The following COL21A1 variants were observed in gnomAD, a reference collection of about 807,000 sequenced individuals.
COL21A1 encodes collagen alpha-1(XXI) chain.
In COL21A1, 149 loss-of-function variants were observed where a neutral mutation model predicts 137.9. The ratio of observed to expected loss-of-function variants is 1.08; its 90% CI spans 0.95 to 1.24. The LOEUF (loss-of-function observed/expected upper bound fraction) is 1.24, where lower values mean the gene tolerates loss of function less well. Ranked by LOEUF, COL21A1 falls within the 50% of genes most tolerant of loss-of-function variation. The pLI, the probability that COL21A1 is intolerant of heterozygous loss-of-function variation, is 0.00. For synonymous variants in COL21A1, 456 were observed against 391.5 expected, an observed-to-expected ratio of 1.16 and a Z score of -1.95; for missense variants, 1,167 against 1,158.4, an observed-to-expected ratio of 1.01 and a Z score of -0.11.
intron 12 of COL21A1, among the ~76,000 whole-genome samples, chr6:56,129,273 G>A (rs1773300055): frequency 6.6e-6 from 1 of 151,856 alleles, no homozygotes; most frequent in African/African-American, 2.4e-5. Context: ...CAAAAGGGGG[G>A]CCTCTGTTAT....
At chr6:56,363,820 C>T (rs1766032628) in intron 1 of COL21A1, among the ~76,000 whole-genome samples, 1 of 152,142 alleles carries the variant, frequency 6.6e-6, no homozygotes, top group South Asian at 2.1e-4. Flanking sequence ...GGGGACTGTG[C>T]CTTCCTTGGA....
At chr6:56,123,953 T>A in intron 16 of COL21A1, 109 bp downstream of exon 16, 1 of 898,636 alleles carries the variant, frequency 1.1e-6, no homozygotes, top group Non-Finnish European at 1.7e-6. Flanking sequence ...ATGAATTTTA[T>A]CCCAATGCCA....
intron 1 of COL21A1, among the ~76,000 whole-genome samples, chr6:56,297,526 T>C (rs745899514): frequency 6.6e-6 from 1 of 152,120 alleles, no homozygotes; most frequent in Non-Finnish European, 1.5e-5. Context: ...ATTCCAAGTG[T>C]GTAAAGGGTA....
intron 1 of COL21A1, among the ~76,000 whole-genome samples, chr6:56,358,319 T>A (rs1454663625): frequency 1.3e-5 from 2 of 152,010 alleles, no homozygotes; most frequent in Non-Finnish European, 2.9e-5. Context: ...CATTTGAAGA[T>A]AATCTGAAAT....
At chr6:56,135,021 G>A (rs1773876176) in intron 12 of COL21A1, among the ~76,000 whole-genome samples, 1 of 151,162 alleles carries the variant, frequency 6.6e-6, no homozygotes, top group African/African-American at 2.4e-5. Flanking sequence ...AAAATTAAAG[G>A]TAAAAAATAA....
intron 9 of COL21A1, 107 bp from the exon 10 acceptor site, chr6:56,157,056 A>C (rs371293523): frequency 7.8e-6 from 5 of 639,448 alleles, no homozygotes; most frequent in Non-Finnish European, 1.3e-5. Flanking sequence ...GGTTTTTTGT[A>C]TGTTAAAAAC....
chr6:56,184,147 GAATT>G (rs1437983829), intron 1 of COL21A1, among the ~76,000 whole-genome samples: 1 of 152,014 alleles, frequency 6.6e-6, no homozygotes, highest in Non-Finnish European at 1.5e-5. Flanking sequence ...AAAATTTTCC[GAATT>G]AATGAAAGCC....
intron 1 of COL21A1, among the ~76,000 whole-genome samples, chr6:56,265,037 C>T (rs1763363823): frequency 6.6e-6 from 1 of 152,204 alleles, no homozygotes; most frequent in South Asian, 2.1e-4. Flanking sequence ...GATCTCATTT[C>T]ACAGTAGATG....
chr6:56,381,484 G>T (rs1481858467), intron 1 of COL21A1, among the ~76,000 whole-genome samples: 1 of 152,164 alleles, frequency 6.6e-6, no homozygotes, highest in Non-Finnish European at 1.5e-5. Context: ...GACTCTCTGG[G>T]GTACTATTTC....
At chr6:56,094,225 G>A (rs1172498387) in intron 17 of COL21A1, among the ~76,000 whole-genome samples, 1 of 152,036 alleles carries the variant, frequency 6.6e-6, no homozygotes, top group Non-Finnish European at 1.5e-5. Flanking sequence ...TCATCACTTA[G>A]AAGTCTTACT....
intron 12 of COL21A1, among the ~76,000 whole-genome samples, chr6:56,129,271 G>A (rs1411620145): frequency 2.0e-5 from 3 of 151,750 alleles, no homozygotes; most frequent in Non-Finnish European, 4.4e-5. Flanking sequence ...GGCAAAAGGG[G>A]GGCCTCTGTT....
chr6:56,255,446 A>G lies in COL21A1; in HGVS notation c.-38-72790T>C, dbSNP rs1371885626. ...GTGAAGGGAGTCTTTTCTTAATGAT[A>G]TGCATGCCTTTTTTATCAGATGCTA... On this transcript the variant is annotated intron_variant, in intron 1 of 28. Transcript: ENST00000370819. Among the ~76,000 whole-genome samples the G allele has an allele frequency of 2.0e-5, 3 of 151,770 alleles. 1 individual carries two copies. Among genetic ancestry groups the G allele is most frequent in the Admixed American group, 2.0e-4 (3 of 15,220 alleles).
At chr6:56,094,685 C>A (rs1421792809) in intron 17 of COL21A1, among the ~76,000 whole-genome samples, 1 of 152,166 alleles carries the variant, frequency 6.6e-6, no homozygotes, top group Non-Finnish European at 1.5e-5. Context: ...TGTATACACA[C>A]ATATACATGG....
chr6:56,058,128 C>T (rs1765487800), intron 29 of COL21A1, among the ~76,000 whole-genome samples: 1 of 151,888 alleles, frequency 6.6e-6, no homozygotes, highest in Admixed American at 6.6e-5. Flanking sequence ...TATAATATTC[C>T]ATTTTGTGTA....
At chr6:56,371,244 C>G (rs1309374791) in intron 1 of COL21A1, among the ~76,000 whole-genome samples, 1 of 152,202 alleles carries the variant, frequency 6.6e-6, no homozygotes, top group East Asian at 1.9e-4. Flanking sequence ...GCTATTTATT[C>G]AGTAGATTCA....
At position 56,324,858 on chromosome 6, in the gene COL21A1, G is replaced by C. The variant is rs910972974; in HGVS notation, c.-39+69113C>G. Among the ~76,000 whole-genome samples, 4 of 151,978 alleles carry C rather than the reference G, an allele frequency of 2.6e-5. No individual in the cohort carries two copies. In the South Asian group the frequency reaches 8.3e-4, roughly 32 times the overall value. On this transcript the variant is annotated intron_variant, in intron 1 of 28. Coordinates refer to the COL21A1 transcript ENST00000370819. ...TCACCATCTATCTTAAAGCGGGTCA[G>C]TAAACCTAGGAAGGATTTTCTTATC...
At chr6:56,394,058 A>C (rs1437900597) in exon 1 of COL21A1, 1 of 152,156 alleles carries the variant, frequency 6.6e-6, no homozygotes, top group Non-Finnish European at 1.5e-5. Context: ...TCGTAATATA[A>C]TCTTTGAGTG....
At chr6:56,326,946 A>G (rs1765108953) in intron 1 of COL21A1, among the ~76,000 whole-genome samples, 1 of 152,014 alleles carries the variant, frequency 6.6e-6, no homozygotes, top group Non-Finnish European at 1.5e-5. Context: ...GGAAATCTTA[A>G]CAGAAAAGGG....
At chr6:56,191,233 A>G (rs1778651848) in intron 1 of COL21A1, among the ~76,000 whole-genome samples, 1 of 152,200 alleles carries the variant, frequency 6.6e-6, no homozygotes, top group South Asian at 2.1e-4. Flanking sequence ...AATCTTCTTA[A>G]GCTGGTAAGC....
Sources: allele counts gnomAD v4.1 joint callset (sites outside exome capture counted in the v4.1 genomes callset), GRCh38; gene constraint gnomAD v4.1.1; transcripts MANE v1.5; gene names NCBI Gene and HGNC (gene_info 2026-07-23, HGNC 2026-07-21).